SPIRE1: variants seen among roughly 807,000 people sequenced by gnomAD.
SPIRE1 encodes the protein protein spire homolog 1.
In SPIRE1, 40 loss-of-function variants were observed where a neutral mutation model predicts 94.1. That is an observed-to-expected ratio of 0.43 (90% CI 0.33 to 0.55). The LOEUF is 0.55. Among genes scored for constraint, SPIRE1 ranks in the 20% least tolerant of loss-of-function variants. SPIRE1 has a pLI of 0.06. For synonymous variants in SPIRE1, 376 were observed against 371.7 expected (o/e 1.01, Z -0.13); for missense variants, 838 against 975.2 (o/e 0.86, Z 1.87).
intron 2 of SPIRE1, among the ~76,000 whole-genome samples, chr18:12,594,352 T>A (rs1002167936): frequency 1.3e-5 from 2 of 152,202 alleles, no homozygotes; most frequent in Non-Finnish European, 2.9e-5. Context: ...TAAATAATAA[T>A]GTCCATTATT....
intron 12 of SPIRE1, among the ~76,000 whole-genome samples, chr18:12,455,751 G>T (rs1046357882): frequency 5.3e-5 from 8 of 152,146 alleles, no homozygotes; most frequent in African/African-American, 1.9e-4. Flanking sequence ...AATGTTCTCA[G>T]CACAAACACA....
rs181123149 is a variant in SPIRE1 at position 12,641,707 on chromosome 18, T to C, written c.338-6611A>G. The stretch of plus-strand genomic sequence containing the variant: ...TAAAGTGCAGTGGCCACTGAGGACT[T>C]GGAATCAATGAACAGAACTTCAAAA... On this transcript the variant is annotated intron_variant, in intron 1 of 16. Coordinates refer to ENST00000409402, the MANE Select transcript of SPIRE1 (RefSeq NM_001128626.2). Among the ~76,000 whole-genome samples the C allele has an allele frequency of 2.1e-3, 323 of 152,206 alleles. 2 individuals are homozygous for C. Among genetic ancestry groups the C allele is most frequent in the African/African-American group, 7.1e-3 (296 of 41,540 alleles).
intron 2 of SPIRE1, among the ~76,000 whole-genome samples, chr18:12,609,678 C>T (rs1347438316): frequency 6.6e-6 from 1 of 152,160 alleles, no homozygotes; most frequent in Non-Finnish European, 1.5e-5. Context: ...CAAAGCCTCA[C>T]CACCCTATTT....
At position 12,521,901 on chromosome 18, in the gene SPIRE1, G is replaced by C. The variant is rs886319681; in HGVS notation, c.730-9370C>G. ...CCTAATTGATAAATGCGTGTGTTCTGACTGCTCCGCTCACTAGCCATTCCC... is the reference window on the plus strand; with the variant it reads ...CCTAATTGATAAATGCGTGTGTTCTCACTGCTCCGCTCACTAGCCATTCCC... On this transcript the variant is annotated intron_variant, in intron 4 of 16. Coordinates refer to ENST00000409402, the MANE Select transcript of SPIRE1 (RefSeq NM_001128626.2). Among the ~76,000 whole-genome samples, 6 of 152,122 alleles carry C rather than the reference G, an allele frequency of 3.9e-5. No homozygotes were observed. In the South Asian group the frequency reaches 1.0e-3, roughly 26 times the overall value.
At chr18:12,455,293 T>C (rs935988234) in intron 12 of SPIRE1, among the ~76,000 whole-genome samples, 8 of 152,176 alleles carry the variant, frequency 5.3e-5, no homozygotes, top group Non-Finnish European at 1.0e-4. Context: ...AGAAGATGGT[T>C]AGTAATTTTT....
intron 2 of SPIRE1, among the ~76,000 whole-genome samples, chr18:12,630,598 G>T (rs2037747769): frequency 6.6e-6 from 1 of 152,244 alleles, no homozygotes. Context: ...GGCAGAGGTT[G>T]CAGTGAGCTG....
At chr18:12,573,069 G>A (rs2144483220) in intron 2 of SPIRE1, among the ~76,000 whole-genome samples, 1 of 152,178 alleles carries the variant, frequency 6.6e-6, no homozygotes, top group East Asian at 1.9e-4. Context: ...CCACAGACTG[G>A]AAGAAAATAT....
chr18:12,473,268 C>T (rs1175940901), intron 10 of SPIRE1, among the ~76,000 whole-genome samples: 1 of 151,604 alleles, frequency 6.6e-6, no homozygotes, highest in Non-Finnish European at 1.5e-5. Flanking sequence ...TCAAAAGCTA[C>T]ACAAATGTGC....
intron 2 of SPIRE1, among the ~76,000 whole-genome samples, chr18:12,591,968 C>CAAAAAAAAAAAAAAAAAAA (rs35668057): frequency 1.5e-5 from 1 of 67,434 alleles, no homozygotes; most frequent in African/African-American, 5.7e-5. Flanking sequence ...GACTCCATCT[C>CAAAAAAAAAAAAAAAAAAA]AAAAAAAAAA....
At chr18:12,561,606 C>T (rs1341038423) in intron 2 of SPIRE1, among the ~76,000 whole-genome samples, 3 of 152,198 alleles carry the variant, frequency 2.0e-5, no homozygotes, top group African/African-American at 4.8e-5. Context: ...GCACTATCAT[C>T]ACCTCACATC....
At chr18:12,489,143 G>A (rs1053394333) in intron 8 of SPIRE1, among the ~76,000 whole-genome samples, 4 of 152,078 alleles carry the variant, frequency 2.6e-5, no homozygotes, top group African/African-American at 9.7e-5. Context: ...AGCCAAGATC[G>A]CACCACTGCA....
At chr18:12,572,988 C>T (rs1159320672) in intron 2 of SPIRE1, among the ~76,000 whole-genome samples, 1 of 152,096 alleles carries the variant, frequency 6.6e-6, no homozygotes, top group Non-Finnish European at 1.5e-5. Flanking sequence ...CACCAAAACA[C>T]AACCCATGAA....
intron 4 of SPIRE1, among the ~76,000 whole-genome samples, chr18:12,527,845 T>C (rs2034568049): frequency 6.6e-6 from 1 of 152,158 alleles, no homozygotes; most frequent in Non-Finnish European, 1.5e-5. Context: ...GGTGGGTGGA[T>C]CACGAGGTCA....
intron 10 of SPIRE1, among the ~76,000 whole-genome samples, chr18:12,471,925 C>T (rs1216720153): frequency 1.3e-5 from 2 of 152,048 alleles, no homozygotes; most frequent in African/African-American, 4.8e-5. Context: ...GCTGGGATTA[C>T]AGGTGTGCAC....
At position 12,506,573 on chromosome 18, in the gene SPIRE1, C is replaced by T. The variant is rs2033842333; in HGVS notation, c.876G>A (p.Arg292=). Residue 292 remains arginine (R), a synonymous_variant, in exon 6 of 17, where the codon CGG becomes CGA. Transcript: ENST00000409402. ...ATTCAATGGGCAAAGGGTTGTACTG[C>T]CGCTCTTGGACCTTCTTAAGTTTTA... ...NGVKLKKVQE[R]QYNPLPIEYQ... 1 of 1,614,058 alleles carries T rather than the reference C, an allele frequency of 6.2e-7. No homozygotes were observed.
intron 3 of SPIRE1, among the ~76,000 whole-genome samples, chr18:12,539,423 G>A (rs868466674): frequency 1.3e-5 from 2 of 152,222 alleles, no homozygotes; most frequent in Middle Eastern, 6.8e-3. Flanking sequence ...TTAGCCACGT[G>A]GAACTGTGAG....
In SPIRE1 at chr18:12,617,609, C is replaced by T. The variant is rs149081864; in HGVS notation, c.372+17453G>A. Among the ~76,000 whole-genome samples, 619 of 152,188 alleles carry T rather than the reference C, an allele frequency of 4.1e-3. 3 individuals carry two copies. Among genetic ancestry groups the T allele is most frequent in the African/African-American group, 0.014 (583 of 41,522 alleles). The stretch of plus-strand genomic sequence containing the variant: ...TATTTTTAGTAGAGACGGGGTTTCG[C>T]CATTTTGACAAGGCTGGTCTCAAAC... On this transcript the variant is annotated intron_variant, in intron 2 of 16. Transcript: ENST00000409402.
At chr18:12,566,676 T>C (rs1343691357) in intron 2 of SPIRE1, among the ~76,000 whole-genome samples, 1 of 152,008 alleles carries the variant, frequency 6.6e-6, no homozygotes, top group Non-Finnish European at 1.5e-5. Context: ...GGGAAACCAA[T>C]AAAGAAACTC....
At chr18:12,637,946 C>T (rs754280642) in intron 1 of SPIRE1, among the ~76,000 whole-genome samples, 8 of 152,172 alleles carry the variant, frequency 5.3e-5, no homozygotes, top group Non-Finnish European at 1.0e-4. Context: ...GAGAATTCAA[C>T]AGCTCTTGGT....
Sources: allele counts gnomAD v4.1 joint callset (sites outside exome capture counted in the v4.1 genomes callset), GRCh38; gene constraint gnomAD v4.1.1; transcripts MANE v1.5; gene names NCBI Gene and HGNC (gene_info 2026-07-23, HGNC 2026-07-21).